BTRC: variants seen among roughly 807,000 people sequenced by gnomAD.
BTRC encodes the protein beta-transducin repeat containing E3 ubiquitin protein ligase, also known as F-box/WD repeat-containing protein 1A.
BTRC carries 42 observed loss-of-function variants against 85.5 expected under a neutral mutation model. The ratio of observed to expected loss-of-function variants is 0.49; its 90% CI spans 0.38 to 0.64. The LOEUF (loss-of-function observed/expected upper bound fraction) is 0.64. Ranked by LOEUF, BTRC falls within the 30% of genes least tolerant of loss-of-function variation. The probability of loss-of-function intolerance (pLI) is 0.00; values close to 1 mark genes in which losing one functional copy is unlikely to be tolerated. For synonymous variants in BTRC, 255 were observed against 263.3 expected (o/e 0.97, Z 0.30); for missense variants, 594 against 743.5 (o/e 0.80, Z 2.34).
chr10:101,479,171 A>G (rs963081449), intron 3 of BTRC, among the ~76,000 whole-genome samples, 197 bp from the exon 4 acceptor site: 1 of 151,836 alleles, frequency 6.6e-6, no homozygotes, highest in African/African-American at 2.4e-5. Context: ...ATACTTGTTC[A>G]TGGGCACATC....
intron 1 of BTRC, among the ~76,000 whole-genome samples, chr10:101,412,267 A>G (rs186847956): frequency 1.6e-4 from 25 of 152,264 alleles, no homozygotes; most frequent in African/African-American, 5.5e-4. Flanking sequence ...AATTCTTTTT[A>G]GCCTTCATGT....
chr10:101,543,745 A>G (rs1424499736), intron 13 of BTRC, among the ~76,000 whole-genome samples: 1 of 151,918 alleles, frequency 6.6e-6, no homozygotes, highest in Non-Finnish European at 1.5e-5. Context: ...CTATCAGATG[A>G]TATTGTACCA....
intron 2 of BTRC, among the ~76,000 whole-genome samples, chr10:101,441,174 A>G (rs944474036): frequency 1.7e-4 from 26 of 152,212 alleles, no homozygotes; most frequent in African/African-American, 5.8e-4. Flanking sequence ...TCTTAGAAGA[A>G]TAAGAGGAAT....
intron 4 of BTRC, among the ~76,000 whole-genome samples, chr10:101,485,548 A>C (rs536542379): frequency 5.3e-5 from 8 of 152,370 alleles, no homozygotes; most frequent in African/African-American, 1.2e-4. Flanking sequence ...ATTCCAAGGC[A>C]GTTTTATTTT....
At position 101,391,651 on chromosome 10, in the gene BTRC, T is replaced by G. The variant is rs180691581; in HGVS notation, c.48+37423T>G. ...TTAAAAATAAATTTGGGAAATTTGC[T>G]CTCTAGAACAGTAGCCTCCTAACCC... On this transcript the variant is annotated intron_variant, in intron 1 of 14. Coordinates refer to ENST00000370187, the MANE Select transcript of BTRC (RefSeq NM_033637.4). 7.7e-4 allele frequency among the ~76,000 whole-genome samples: 117 copies of G among 152,308 alleles called. 1 individual carries two copies. The highest frequency in any genetic ancestry group is 2.7e-3 in the Admixed American group (41 of 15,298).
chr10:101,409,884 A>G (rs1473216439), intron 1 of BTRC, among the ~76,000 whole-genome samples: 3 of 152,200 alleles, frequency 2.0e-5, no homozygotes, highest in African/African-American at 4.8e-5. Context: ...ATGTGTATAC[A>G]TGTATTTGTT....
chr10:101,379,988 T>C (rs1004950567), intron 1 of BTRC, among the ~76,000 whole-genome samples: 1 of 152,232 alleles, frequency 6.6e-6, no homozygotes, highest in Non-Finnish European at 1.5e-5. Flanking sequence ...AAGTGACATC[T>C]GTTTGCTGAA....
chr10:101,423,735 G>A (rs1223313469), intron 1 of BTRC, among the ~76,000 whole-genome samples: 2 of 152,068 alleles, frequency 1.3e-5, no homozygotes, highest in Admixed American at 1.3e-4. Context: ...GTACTTAAGG[G>A]ATCTAGTACA....
intron 4 of BTRC, among the ~76,000 whole-genome samples, chr10:101,503,577 G>A (rs1454885259): frequency 6.6e-6 from 1 of 152,114 alleles, no homozygotes; most frequent in Non-Finnish European, 1.5e-5. Flanking sequence ...TGTTCCCAGG[G>A]TTATTAAAGT....
chr10:101,459,837 A>G (rs575125936), intron 2 of BTRC, among the ~76,000 whole-genome samples: 51 of 152,296 alleles, frequency 3.3e-4, no homozygotes, highest in African/African-American at 1.2e-3. Context: ...GGGCTAGTCA[A>G]TACTCAGGCT....
At chr10:101,407,590 C>T (rs1943660884) in intron 1 of BTRC, among the ~76,000 whole-genome samples, 1 of 152,092 alleles carries the variant, frequency 6.6e-6, no homozygotes, top group South Asian at 2.1e-4. Context: ...GGGGTTTTGC[C>T]ATGTTGCCCA....
chr10:101,453,359 T>C (rs987107940), intron 2 of BTRC: 36 of 152,222 alleles, frequency 2.4e-4, no homozygotes, highest in African/African-American at 8.2e-4. Flanking sequence ...CCTGCTTTGC[T>C]AAAATGATAG....
chr10:101,376,214 A>G (rs1590218270), intron 1 of BTRC, among the ~76,000 whole-genome samples: 1 of 152,330 alleles, frequency 6.6e-6, no homozygotes, highest in Non-Finnish European at 1.5e-5. Flanking sequence ...TAGTCTAGCT[A>G]CTTGGGTGGC....
intron 3 of BTRC, among the ~76,000 whole-genome samples, chr10:101,469,933 T>G (rs1191150724): frequency 6.6e-6 from 1 of 152,236 alleles, no homozygotes; most frequent in Non-Finnish European, 1.5e-5. Flanking sequence ...GTTTATTCTC[T>G]TTCATTGAGT....
chr10:101,368,464 CTTTTTTTTTTTTTTTTTTTTT>C (rs60190021), intron 1 of BTRC, among the ~76,000 whole-genome samples: 2 of 75,362 alleles, frequency 2.7e-5, no homozygotes, highest in Non-Finnish European at 4.5e-5. Context: ...AACTGTTTTT[CTTTTTTTTTTTTTTTTTTTTT>C]TTTTTTTTTT....
chr10:101,378,522 T>A (rs929124836), intron 1 of BTRC, among the ~76,000 whole-genome samples: 1 of 28,896 alleles, frequency 3.5e-5, no homozygotes, highest in Non-Finnish European at 2.7e-4. Flanking sequence ...CAATTATAAT[T>A]TTTTTTTTTT....
intron 1 of BTRC, among the ~76,000 whole-genome samples, chr10:101,373,772 G>A (rs1942707813): frequency 6.6e-6 from 1 of 151,982 alleles, no homozygotes; most frequent in Admixed American, 6.6e-5. Flanking sequence ...CAAAAAATTA[G>A]CCAGGCATGG....
chr10:101,372,868 A>G (rs1028925505), intron 1 of BTRC, among the ~76,000 whole-genome samples: 4 of 152,080 alleles, frequency 2.6e-5, no homozygotes, highest in Non-Finnish European at 5.9e-5. Flanking sequence ...CAAAAAAATA[A>G]AAAAGAATTA....
chr10:101,358,879 T>C (rs1418587177), intron 1 of BTRC, among the ~76,000 whole-genome samples: 2 of 152,062 alleles, frequency 1.3e-5, no homozygotes. Context: ...TACCTATTGA[T>C]AGGAAGGGTG....
Sources: gnomAD v4.1 joint callset for allele counts (sites outside exome capture counted in the v4.1 genomes callset) on GRCh38, gnomAD v4.1.1 for gene constraint, MANE v1.5 for transcripts, NCBI Gene and HGNC (gene_info 2026-07-23, HGNC 2026-07-21) for gene names.